Variants in JAKMIP2 observed in about 807,000 individuals in gnomAD.
JAKMIP2 encodes janus kinase and microtubule interacting protein 2.
JAKMIP2 carries 25 observed loss-of-function variants against 115.0 expected under a neutral mutation model. That is an observed-to-expected ratio of 0.22 (90% CI 0.16 to 0.30). The LOEUF (loss-of-function observed/expected upper bound fraction) is 0.30, where lower values mean the gene tolerates loss of function less well. JAKMIP2 is among the 10% of genes least tolerant of loss of function. JAKMIP2 has a pLI of 1.00. For synonymous variants in JAKMIP2, 334 were observed against 343.6 expected (o/e 0.97, Z 0.31); for missense variants, 642 against 957.6 (o/e 0.67, Z 4.35).
intron 20 of JAKMIP2, among the ~76,000 whole-genome samples, chr5:147,608,894 C>T (rs1023892233): frequency 6.6e-6 from 1 of 152,018 alleles, no homozygotes; most frequent in Admixed American, 6.6e-5. Flanking sequence ...ATAGTTCGCT[C>T]TTCTTGTTGC....
intron 1 of JAKMIP2, among the ~76,000 whole-genome samples, chr5:147,696,703 G>C (rs1375890135): frequency 2.0e-5 from 3 of 152,156 alleles, no homozygotes; most frequent in African/African-American, 7.2e-5. Context: ...GGAAAATATG[G>C]GAAAGTCTGG....
chr5:147,650,544 C>T lies in JAKMIP2; in HGVS notation c.631G>A (p.Asp211Asn). ...ATCCTGTCCTTGGCTTTGATTTCAT[C>T]CATCTGAATTAAATGAGACCCAGGA... ...ESERDIRRLM[D>N]EIKAKDRIIF... Residue 211 changes from aspartate (D) to asparagine (N), a missense_variant, in exon 4 of 22, where the codon GAT (aspartate) becomes AAT (asparagine). Coordinates refer to ENST00000616793, the MANE Select transcript of JAKMIP2 (RefSeq NM_001270941.2). The T allele has an allele frequency of 6.2e-7, 1 of 1,610,864 alleles. No individual in the cohort carries two copies. The highest frequency in any genetic ancestry group is 8.5e-7 in the Non-Finnish European group (1 of 1,177,948).
intron 9 of JAKMIP2, among the ~76,000 whole-genome samples, chr5:147,640,445 T>C (rs538917458): frequency 6.6e-6 from 1 of 152,232 alleles, no homozygotes; most frequent in African/African-American, 2.4e-5. Flanking sequence ...ATAAAGAATA[T>C]TGGAAAGTAA....
chr5:147,642,054 A>G (rs945993126), intron 7 of JAKMIP2, among the ~76,000 whole-genome samples: 1 of 152,176 alleles, frequency 6.6e-6, no homozygotes, highest in African/African-American at 2.4e-5. Flanking sequence ...TAGCTATGAA[A>G]ATAGTTACTT....
chr5:147,637,529 T>C (rs1757682230), intron 10 of JAKMIP2, among the ~76,000 whole-genome samples: 1 of 146,844 alleles, frequency 6.8e-6, no homozygotes, highest in Admixed American at 7.0e-5. Flanking sequence ...AACCTCCGCC[T>C]CCTGGGTTCA....
intron 21 of JAKMIP2, among the ~76,000 whole-genome samples, chr5:147,601,440 TA>T (rs575443742): frequency 4.4e-4 from 67 of 150,996 alleles, no homozygotes; most frequent in Non-Finnish European, 8.3e-4. Context: ...AAAATAATAA[TA>T]AAAAAAAATT....
At chr5:147,703,752 CT>C (rs965047238) in intron 1 of JAKMIP2, among the ~76,000 whole-genome samples, 5 of 151,274 alleles carry the variant, frequency 3.3e-5, no homozygotes, top group East Asian at 1.9e-4. Context: ...ACTTCATAAA[CT>C]TTTTTTTTAC....
At chr5:147,758,119 A>G (rs1375043672) in intron 1 of JAKMIP2, among the ~76,000 whole-genome samples, 1 of 152,164 alleles carries the variant, frequency 6.6e-6, no homozygotes, top group Non-Finnish European at 1.5e-5. Context: ...TTTAGTAAAG[A>G]TTCAGAAAAA....
At chr5:147,675,507 T>C (rs141464084) in intron 1 of JAKMIP2, among the ~76,000 whole-genome samples, 4 of 152,204 alleles carry the variant, frequency 2.6e-5, no homozygotes, top group Admixed American at 2.0e-4. Context: ...TTCTTTGAGA[T>C]ATAAGTCACA....
chr5:147,707,705 G>C (rs1752632947), intron 1 of JAKMIP2, among the ~76,000 whole-genome samples: 1 of 152,054 alleles, frequency 6.6e-6, no homozygotes, highest in Admixed American at 6.6e-5. Context: ...CTAAACATTT[G>C]ACTGACTGTG....
chr5:147,654,335 C>T (rs1758567393), intron 3 of JAKMIP2, among the ~76,000 whole-genome samples: 1 of 151,938 alleles, frequency 6.6e-6, no homozygotes. Context: ...ATGATTCTTC[C>T]TATCCATGAG....
intron 1 of JAKMIP2, among the ~76,000 whole-genome samples, chr5:147,726,807 T>C (rs1753537870): frequency 6.6e-6 from 1 of 152,232 alleles, no homozygotes; most frequent in Non-Finnish European, 1.5e-5. Flanking sequence ...CTTGTGACCA[T>C]ATGGCAGTAC....
chr5:147,614,572 C>T (rs1433727823), intron 19 of JAKMIP2, among the ~76,000 whole-genome samples: 1 of 152,200 alleles, frequency 6.6e-6, no homozygotes, highest in South Asian at 2.1e-4. Flanking sequence ...ACCTGCTCTT[C>T]CTGCCTTTTA....
At chr5:147,700,664 A>C (rs1023148527) in intron 1 of JAKMIP2, among the ~76,000 whole-genome samples, 17 of 152,328 alleles carry the variant, frequency 1.1e-4, no homozygotes, top group Non-Finnish European at 2.2e-4. Context: ...AGCTTTGATC[A>C]GAACCAAGTC....
At chr5:147,620,180 G>C (rs1756781391) in intron 18 of JAKMIP2, among the ~76,000 whole-genome samples, 2 of 152,138 alleles carry the variant, frequency 1.3e-5, no homozygotes, top group African/African-American at 4.8e-5. Flanking sequence ...CTGAAGCCTT[G>C]ACCTCCCAGG....
At chr5:147,643,068 A>G (rs1397707171) in intron 7 of JAKMIP2, among the ~76,000 whole-genome samples, 4 of 151,944 alleles carry the variant, frequency 2.6e-5, no homozygotes, top group African/African-American at 7.3e-5. Flanking sequence ...CAGATGACCT[A>G]TTGTGGGACC....
chr5:147,721,554 C>A (rs1305187566), intron 1 of JAKMIP2, among the ~76,000 whole-genome samples: 2 of 152,092 alleles, frequency 1.3e-5, no homozygotes, highest in African/African-American at 4.8e-5. Flanking sequence ...TCTCGTGGTG[C>A]GCCGTTTTTT....
intron 21 of JAKMIP2, among the ~76,000 whole-genome samples, chr5:147,595,705 C>G (rs997904299): frequency 6.6e-6 from 1 of 152,084 alleles, no homozygotes; most frequent in African/African-American, 2.4e-5. Context: ...AACTGTAAAG[C>G]AAGTTGTACT....
chr5:147,695,455 C>T (rs2126870914), intron 1 of JAKMIP2, among the ~76,000 whole-genome samples: 1 of 152,220 alleles, frequency 6.6e-6, no homozygotes, highest in African/African-American at 2.4e-5. Flanking sequence ...TCCCACATAT[C>T]CTGTCTCGAG....
Sources: gnomAD v4.1 joint callset for allele counts (sites outside exome capture counted in the v4.1 genomes callset) on GRCh38, gnomAD v4.1.1 for gene constraint, MANE v1.5 for transcripts, NCBI Gene and HGNC (gene_info 2026-07-23, HGNC 2026-07-21) for gene names.